The following STARD13 variants were observed in gnomAD, a reference collection of about 807,000 sequenced individuals.
The protein encoded by STARD13 is StAR related lipid transfer domain containing 13.
A neutral mutation model predicts 106.4 loss-of-function variants in STARD13; 62 were observed. The observed-to-expected ratio is 0.58, with a 90% confidence interval of 0.48 to 0.72. STARD13 has a LOEUF of 0.72. STARD13 is among the 30% of genes least tolerant of loss of function. The pLI is 0.00. For missense variants in STARD13, 1,387 were observed against 1,424.0 expected (o/e 0.97, Z 0.42); for synonymous variants, 565 against 553.0 (o/e 1.02, Z -0.31).
At chr13:33,456,334 C>T in the STARD13 span, among the ~76,000 whole-genome samples, 2 of 152,048 alleles carry the variant, frequency 1.3e-5, no homozygotes, top group Non-Finnish European at 2.9e-5. Context: ...GGATTACAGG[C>T]GTGAGCCACC....
rs1878136311 is a variant in STARD13, at chr13:33,130,523, C to T, written c.388-234G>A. 6.6e-6 allele frequency among the ~76,000 whole-genome samples: 1 copy of T among 152,184 alleles called. No homozygotes were observed. The highest frequency in any genetic ancestry group is 1.5e-5 in the Non-Finnish European group (1 of 68,048). ...CTTCTCAACTTGCCAAACTTTCTTC[C>T]TTCCCATTTTCAAAGAGGTTTTGAA... On this transcript the variant is annotated intron_variant, in intron 4 of 13. Transcript: ENST00000336934. The surrounding 1 kb of genome is among the most constrained non-coding windows in gnomAD (Gnocchi z 4.1).
intron 1 of STARD13, among the ~76,000 whole-genome samples, chr13:33,267,364 T>A (rs2138345540): frequency 6.6e-6 from 1 of 152,220 alleles, no homozygotes; most frequent in Admixed American, 6.5e-5. Flanking sequence ...GCTGAAGCAA[T>A]GGAACAATAA....
the STARD13 span, among the ~76,000 whole-genome samples, chr13:33,613,140 C>A: frequency 2.6e-5 from 4 of 152,218 alleles, no homozygotes; most frequent in African/African-American, 9.6e-5. Flanking sequence ...TGCCTTCAAG[C>A]AGCCAATAGG....
intron 1 of STARD13, among the ~76,000 whole-genome samples, chr13:33,214,481 A>C (rs1887908375): frequency 6.6e-6 from 1 of 152,224 alleles, no homozygotes. Context: ...ATAGGCAAGC[A>C]GCACTGGCCA....
the STARD13 span, among the ~76,000 whole-genome samples, chr13:33,361,487 C>T: frequency 1.3e-5 from 2 of 152,130 alleles, no homozygotes; most frequent in African/African-American, 2.4e-5. Context: ...GTAGGAGGAC[C>T]TGGTCCCCCT....
the STARD13 span, among the ~76,000 whole-genome samples, chr13:33,657,250 A>G: frequency 6.6e-6 from 1 of 151,928 alleles, no homozygotes; most frequent in East Asian, 1.9e-4. Context: ...AGCCTGGGAG[A>G]CAGTGAGACT....
chr13:33,192,021 C>T (rs1283172636), intron 1 of STARD13, among the ~76,000 whole-genome samples: 1 of 152,218 alleles, frequency 6.6e-6, no homozygotes, highest in Non-Finnish European at 1.5e-5. Context: ...GGATGGTATT[C>T]TCTGAAATCA....
intron 1 of STARD13, among the ~76,000 whole-genome samples, chr13:33,206,337 A>G (rs1887416177): frequency 1.3e-5 from 2 of 150,546 alleles, no homozygotes; most frequent in East Asian, 3.9e-4. Context: ...CATGCCTAAT[A>G]AGACTCGAAA....
At chr13:33,488,472 T>C in the STARD13 span, among the ~76,000 whole-genome samples, 1 of 152,238 alleles carries the variant, frequency 6.6e-6, no homozygotes, top group Non-Finnish European at 1.5e-5. Context: ...TACAACATCT[T>C]ATTTCCAATA....
the STARD13 span, among the ~76,000 whole-genome samples, chr13:33,519,454 T>C: frequency 6.6e-6 from 1 of 151,630 alleles, no homozygotes; most frequent in Non-Finnish European, 1.5e-5. Flanking sequence ...CCTCCCAAAG[T>C]GCTGAGATTA....
At chr13:33,499,470 G>A in the STARD13 span, among the ~76,000 whole-genome samples, 1 of 151,130 alleles carries the variant, frequency 6.6e-6, no homozygotes, top group Non-Finnish European at 1.5e-5. Flanking sequence ...AGAGAGAAAA[G>A]GAGCTCCAGG....
At position 33,212,414 on chromosome 13, in the gene STARD13, T is replaced by C. The variant is rs1450430428; in HGVS notation, c.170-44792A>G. On this transcript the variant is annotated intron_variant, in intron 1 of 13. Transcript: ENST00000336934. ...CAGAAAATAAAGCCACTTTCTACTG[T>C]TGAATTATTCTTATTTACAGCAATA... 2.0e-5 allele frequency among the ~76,000 whole-genome samples: 3 copies of C among 152,250 alleles called. No individual in the cohort carries two copies. In the East Asian group the frequency reaches 5.8e-4, roughly 29 times the overall value.
the STARD13 span, among the ~76,000 whole-genome samples, chr13:33,427,376 G>A: frequency 1.2e-3 from 185 of 152,264 alleles, 1 homozygote; most frequent in African/African-American, 4.2e-3. Context: ...TACAGAGGAT[G>A]GTAGGAGCAC....
At chr13:33,471,711 A>C in the STARD13 span, among the ~76,000 whole-genome samples, 2 of 151,828 alleles carry the variant, frequency 1.3e-5, no homozygotes, top group African/African-American at 4.8e-5. Context: ...CAATGCAGAC[A>C]AACATATTTT....
the STARD13 span, among the ~76,000 whole-genome samples, chr13:33,520,465 C>T: frequency 5.9e-5 from 9 of 152,038 alleles, no homozygotes; most frequent in African/African-American, 2.2e-4. Context: ...AATAGTTCAT[C>T]CTAATTTAAT....
At chr13:33,644,592 G>A in the STARD13 span, among the ~76,000 whole-genome samples, 3 of 152,164 alleles carry the variant, frequency 2.0e-5, no homozygotes, top group Admixed American at 1.3e-4. Context: ...GAGTTGAAGA[G>A]GCGTCATGCG....
the STARD13 span, among the ~76,000 whole-genome samples, chr13:33,507,459 T>G: frequency 6.6e-6 from 1 of 152,214 alleles, no homozygotes; most frequent in African/African-American, 2.4e-5. Flanking sequence ...AAACATTATA[T>G]TAAGGACTCA....
chr13:33,521,302 C>T, the STARD13 span, among the ~76,000 whole-genome samples: 26 of 151,944 alleles, frequency 1.7e-4, no homozygotes, highest in South Asian at 6.2e-4. Context: ...TGAAGGTACA[C>T]TAGATTGAAG....
At chr13:33,120,848 T>C (rs1197427056) in intron 7 of STARD13, among the ~76,000 whole-genome samples, 1 of 152,040 alleles carries the variant, frequency 6.6e-6, no homozygotes, top group African/African-American at 2.4e-5. Flanking sequence ...CAAGTGATTC[T>C]CCTGTCTCAG....
Sources: allele counts gnomAD v4.1 joint callset (sites outside exome capture counted in the v4.1 genomes callset), GRCh38; gene constraint gnomAD v4.1.1; non-coding constraint Gnocchi (gnomAD v3.1); transcripts MANE v1.5; gene names NCBI Gene and HGNC (gene_info 2026-07-23, HGNC 2026-07-21).